Variants in VTI1A observed in about 807,000 individuals in gnomAD.
The protein encoded by VTI1A is vesicle transport through interaction with t-SNAREs 1A.
Under a neutral mutation model 34.9 loss-of-function variants are expected in VTI1A, and 22 were observed. That is an observed-to-expected ratio of 0.63 (90% CI 0.45 to 0.90). The LOEUF is 0.90. Ranked by LOEUF, VTI1A falls within the 40% of genes least tolerant of loss-of-function variation. The pLI is 0.00. For synonymous variants in VTI1A, 87 were observed against 97.3 expected (o/e 0.89, Z 0.62); for missense variants, 268 against 275.6 (o/e 0.97, Z 0.20).
Position 112,731,607 on chromosome 10 carries a change from TA to T in VTI1A, c.560+62610del, listed in dbSNP as rs559662234. Reference sequence around the variant, plus strand: ...AAAAAAAAAACTGCATAAAACAGCATACATGAGAAGGCATATTTTAGGAAGA... The same window carrying T: ...AAAAAAAAAACTGCATAAAACAGCATCATGAGAAGGCATATTTTAGGAAGA... On this transcript the variant is annotated intron_variant, in intron 7 of 7. Transcript: ENST00000393077. Among the ~76,000 whole-genome samples the T allele has an allele frequency of 1.5e-3, 230 of 151,416 alleles. 4 individuals carry two copies. Among genetic ancestry groups the T allele is most frequent in the Admixed American group, 0.013 (205 of 15,216 alleles).
the VTI1A span, among the ~76,000 whole-genome samples, chr10:112,854,878 C>T: frequency 6.6e-6 from 1 of 152,140 alleles, no homozygotes. Flanking sequence ...TCAAAGCTGG[C>T]CCACCCTGGA....
At chr10:112,757,299 C>T (rs1304859403) in intron 7 of VTI1A, among the ~76,000 whole-genome samples, 1 of 148,674 alleles carries the variant, frequency 6.7e-6, no homozygotes, top group African/African-American at 2.5e-5. Context: ...CCAACTTATT[C>T]CTGGAGGAAA....
the VTI1A span, chr10:112,825,254 C>T: frequency 6.5e-6 from 1 of 153,052 alleles, no homozygotes; most frequent in South Asian, 2.1e-4. Context: ...TCCAGCTCCA[C>T]TCACCTTCTA....
At chr10:112,471,899 A>C (rs1367762785) in intron 3 of VTI1A, among the ~76,000 whole-genome samples, 3 of 152,188 alleles carry the variant, frequency 2.0e-5, no homozygotes, top group Non-Finnish European at 2.9e-5. Flanking sequence ...TTATACAAAC[A>C]AAAAACCCTC....
At chr10:112,587,078 G>T (rs1020136163) in intron 5 of VTI1A, among the ~76,000 whole-genome samples, 11 of 151,962 alleles carry the variant, frequency 7.2e-5, no homozygotes, top group African/African-American at 2.4e-4. Context: ...GTTTCAGTTG[G>T]GCCCTGACAC....
At chr10:112,685,579 G>A (rs1045936917) in intron 7 of VTI1A, among the ~76,000 whole-genome samples, 3 of 152,080 alleles carry the variant, frequency 2.0e-5, no homozygotes, top group African/African-American at 7.2e-5. Flanking sequence ...GGACACCAAA[G>A]TATTTTCAAA....
chr10:112,455,764 A>G (rs930013008), intron 1 of VTI1A, among the ~76,000 whole-genome samples: 3 of 151,816 alleles, frequency 2.0e-5, no homozygotes, highest in African/African-American at 7.2e-5. Context: ...ATAAGGACCA[A>G]TCAAAGAATG....
chr10:112,726,144 C>T (rs1590120025), intron 7 of VTI1A, among the ~76,000 whole-genome samples: 1 of 152,094 alleles, frequency 6.6e-6, no homozygotes, highest in Non-Finnish European at 1.5e-5. Flanking sequence ...TCTGGTTCCA[C>T]CTGGATGCTC....
chr10:112,482,244 T>C (rs189688800), intron 3 of VTI1A, among the ~76,000 whole-genome samples: 1 of 152,308 alleles, frequency 6.6e-6, no homozygotes, highest in East Asian at 1.9e-4. Flanking sequence ...GTATATTATT[T>C]TGCTATGGAC....
intron 5 of VTI1A, among the ~76,000 whole-genome samples, chr10:112,622,925 G>A (rs749486099): frequency 1.1e-4 from 16 of 152,182 alleles, no homozygotes; most frequent in Admixed American, 2.6e-4. Context: ...GAGTTAGTAA[G>A]CAATTTCACA....
intron 5 of VTI1A, among the ~76,000 whole-genome samples, chr10:112,618,524 T>TATATATATATATAG (rs748276058): frequency 5.8e-5 from 2 of 34,580 alleles, no homozygotes; most frequent in Non-Finnish European, 4.4e-5. Flanking sequence ...TATATATATA[T>TATATATATATATAG]AGAGAGAGAG....
At chr10:112,760,340 T>C (rs1377929613) in intron 7 of VTI1A, among the ~76,000 whole-genome samples, 1 of 152,120 alleles carries the variant, frequency 6.6e-6, no homozygotes, top group African/African-American at 2.4e-5. Flanking sequence ...AGAACAATTG[T>C]AACAATATAC....
At chr10:112,850,316 A>G in the VTI1A span, among the ~76,000 whole-genome samples, 1 of 151,396 alleles carries the variant, frequency 6.6e-6, no homozygotes, top group African/African-American at 2.4e-5. Flanking sequence ...GGTTTGTCTA[A>G]CTAGTGGTTT....
chr10:112,572,780 A>C (rs959079827), intron 5 of VTI1A, among the ~76,000 whole-genome samples: 1 of 151,162 alleles, frequency 6.6e-6, no homozygotes, highest in Non-Finnish European at 1.5e-5. Flanking sequence ...CGGAGCTTGC[A>C]GTGAGCCGAG....
At chr10:112,771,107 T>C (rs1452208853) in intron 7 of VTI1A, among the ~76,000 whole-genome samples, 1 of 152,118 alleles carries the variant, frequency 6.6e-6, no homozygotes, top group Non-Finnish European at 1.5e-5. Flanking sequence ...GTAACCAAGG[T>C]TCACATATGC....
chr10:112,502,757 C>T (rs117091676), intron 3 of VTI1A, among the ~76,000 whole-genome samples: 1,990 of 152,310 alleles, frequency 0.013, 25 homozygotes, highest in South Asian at 0.025. Context: ...ATTGAGAGAT[C>T]GTGACCTTTT....
intron 7 of VTI1A, among the ~76,000 whole-genome samples, chr10:112,673,411 T>A (rs949530440): frequency 1.3e-5 from 2 of 151,922 alleles, no homozygotes; most frequent in South Asian, 2.1e-4. Flanking sequence ...AATAATTTCC[T>A]CTCTCCCCGA....
chr10:112,618,534 G>GAGAGAA (rs745837943), intron 5 of VTI1A, among the ~76,000 whole-genome samples: 4,993 of 128,512 alleles, frequency 0.039, 177 homozygotes, highest in Non-Finnish European at 0.055. Context: ...TAGAGAGAGA[G>GAGAGAA]AGAGAGAGAG....
At chr10:112,551,724 C>A (rs942293940) in intron 5 of VTI1A, among the ~76,000 whole-genome samples, 2 of 152,032 alleles carry the variant, frequency 1.3e-5, no homozygotes, top group African/African-American at 4.8e-5. Context: ...GTAATTAAGT[C>A]TATTTCATTA....
Sources: allele counts gnomAD v4.1 joint callset (sites outside exome capture counted in the v4.1 genomes callset), GRCh38; gene constraint gnomAD v4.1.1; transcripts MANE v1.5; gene names NCBI Gene and HGNC (gene_info 2026-07-23, HGNC 2026-07-21).